Variants in TUSC3 observed in about 807,000 individuals in gnomAD.
TUSC3 encodes the protein tumor suppressor candidate 3.
A neutral mutation model predicts 44.8 loss-of-function variants in TUSC3; 45 were observed. That is an observed-to-expected ratio of 1.00 (90% CI 0.79 to 1.29). TUSC3 has a LOEUF of 1.29. Ranked by LOEUF, TUSC3 falls within the 50% of genes most tolerant of loss-of-function variation. The pLI is 0.00. For missense variants in TUSC3, 519 were observed against 437.9 expected (o/e 1.19, Z -1.65); for synonymous variants, 212 against 152.9 (o/e 1.39, Z -2.85).
intron 1 of TUSC3, among the ~76,000 whole-genome samples, chr8:15,556,280 G>C (rs1585097525): frequency 1.4e-5 from 2 of 141,992 alleles, no homozygotes; most frequent in Admixed American, 1.4e-4. Context: ...TCTTGAGATA[G>C]TTTACTGAGA....
At chr8:15,780,546 C>T in the TUSC3 span, among the ~76,000 whole-genome samples, 1 of 152,204 alleles carries the variant, frequency 6.6e-6, no homozygotes, top group Non-Finnish European at 1.5e-5. Context: ...CCCAGTTGTT[C>T]TGGAAGGCAC....
At chr8:15,598,951 A>G (rs1804173812) in intron 1 of TUSC3, among the ~76,000 whole-genome samples, 1 of 151,786 alleles carries the variant, frequency 6.6e-6, no homozygotes, top group Non-Finnish European at 1.5e-5. Flanking sequence ...CCTTTTGAGT[A>G]GATCCCAAGG....
intron 1 of TUSC3, among the ~76,000 whole-genome samples, chr8:15,431,501 A>G (rs1321901978): frequency 1.3e-5 from 2 of 151,702 alleles, no homozygotes; most frequent in East Asian, 1.9e-4. Context: ...ATAGAAACAC[A>G]TCTGATTTTC....
At chr8:15,566,340 C>T (rs566254254) in intron 1 of TUSC3, among the ~76,000 whole-genome samples, 19 of 152,146 alleles carry the variant, frequency 1.2e-4, no homozygotes, top group Admixed American at 8.5e-4. Context: ...AGCTCAGAAA[C>T]GGATTTTAGT....
chr8:15,690,941 C>T (rs111858669), intron 6 of TUSC3, among the ~76,000 whole-genome samples: 16 of 140,656 alleles, frequency 1.1e-4, no homozygotes, highest in African/African-American at 3.8e-4. Context: ...TGCCAAATGC[C>T]TCCAGCTTTG....
chr8:15,523,656 ATATATATATGTGTG>A lies in TUSC3; in HGVS notation n.189+40175_189+40188del, dbSNP rs1801329064. Among the ~76,000 whole-genome samples, 270 of 93,486 alleles carry A rather than the reference ATATATATATGTGTG, an allele frequency of 2.9e-3. 11 individuals carry two copies. Among genetic ancestry groups the A allele is most frequent in the African/African-American group, 0.013 (244 of 19,286 alleles). The allele number at this position is 93,486 out of a possible 152,430, so 61.3% of individuals were successfully genotyped here. The stretch of plus-strand genomic sequence containing the variant: ...TTTAAAAACATATATATATATATAT[ATATATATATGTGTG>A]TGTGTGTGTGTGTGTGTGTGTGTGT... On this transcript the variant is annotated intron_variant and non_coding_transcript_variant, in intron 2 of 5. Coordinates refer to the TUSC3 transcript ENST00000503191.
intron 2 of TUSC3, among the ~76,000 whole-genome samples, chr8:15,522,383 C>G (rs527369669): frequency 2.6e-5 from 4 of 152,208 alleles, no homozygotes; most frequent in African/African-American, 9.6e-5. Flanking sequence ...CAGGCCTGCG[C>G]CAGCACACAT....
At chr8:15,800,777 C>A in the TUSC3 span, among the ~76,000 whole-genome samples, 1 of 152,070 alleles carries the variant, frequency 6.6e-6, no homozygotes, top group African/African-American at 2.4e-5. Context: ...TATAGTAACA[C>A]CCTTTTTCAA....
chr8:15,781,046 A>G, the TUSC3 span, among the ~76,000 whole-genome samples: 1 of 152,144 alleles, frequency 6.6e-6, no homozygotes, highest in African/African-American at 2.4e-5. Context: ...TTAAAGGGAC[A>G]GACAAACAGA....
chr8:15,679,272 T>C (rs1281784999), intron 6 of TUSC3, among the ~76,000 whole-genome samples: 1 of 152,302 alleles, frequency 6.6e-6, no homozygotes, highest in Non-Finnish European at 1.5e-5. Context: ...GCATCTTTTT[T>C]TTTTGACTTT....
the TUSC3 span, among the ~76,000 whole-genome samples, chr8:15,773,732 T>C: frequency 6.6e-6 from 1 of 152,106 alleles, no homozygotes; most frequent in African/African-American, 2.4e-5. Context: ...TAGGCACTAG[T>C]GTAAGGATAA....
intron 1 of TUSC3, among the ~76,000 whole-genome samples, chr8:15,549,265 C>A (rs1801972593): frequency 6.6e-6 from 1 of 151,732 alleles, no homozygotes; most frequent in South Asian, 2.1e-4. Flanking sequence ...CCCCTGCCTC[C>A]CGGATTCAAG....
At chr8:15,769,637 C>A (rs931151652), downstream of TUSC3, among the ~76,000 whole-genome samples, 1 of 152,120 alleles carries the variant, frequency 6.6e-6, no homozygotes, top group African/African-American at 2.4e-5. Flanking sequence ...TTAGAGCAAA[C>A]AGACAACCTA....
At chr8:15,821,758 G>T in the TUSC3 span, among the ~76,000 whole-genome samples, 1 of 149,416 alleles carries the variant, frequency 6.7e-6, no homozygotes, top group Non-Finnish European at 1.5e-5. Context: ...CCACAGATAT[G>T]GGTAATTTCC....
At chr8:15,807,239 G>T in the TUSC3 span, 1 of 652,378 alleles carries the variant, frequency 1.5e-6, no homozygotes, top group Non-Finnish European at 2.8e-6. Context: ...CCCACCCCCA[G>T]GCATTATGCT....
At chr8:15,828,984 A>T in the TUSC3 span, among the ~76,000 whole-genome samples, 1 of 152,204 alleles carries the variant, frequency 6.6e-6, no homozygotes, top group East Asian at 1.9e-4. Context: ...GAATTGGAAA[A>T]AGTATCCAAT....
At chr8:15,457,247 C>G (rs765926234) in intron 1 of TUSC3, among the ~76,000 whole-genome samples, 3 of 151,852 alleles carry the variant, frequency 2.0e-5, no homozygotes, top group Non-Finnish European at 2.9e-5. Context: ...AGCACACCAA[C>G]ATGGCACGTG....
upstream of TUSC3, among the ~76,000 whole-genome samples, chr8:15,539,345 C>CTTTTTT (rs35685582): frequency 0.024 from 1,666 of 69,426 alleles, 232 homozygotes; most frequent in Middle Eastern, 0.061. Context: ...TGCTATGGTT[C>CTTTTTT]TTTTTTTTTT....
intron 1 of TUSC3, among the ~76,000 whole-genome samples, chr8:15,460,309 G>A (rs1003379888): frequency 1.3e-5 from 2 of 151,928 alleles, no homozygotes; most frequent in African/African-American, 2.4e-5. Flanking sequence ...CATTTTTTTC[G>A]TATATTTGTT....
Sources: allele counts gnomAD v4.1 joint callset (sites outside exome capture counted in the v4.1 genomes callset), GRCh38; gene constraint gnomAD v4.1.1; transcripts MANE v1.5; gene names NCBI Gene and HGNC (gene_info 2026-07-23, HGNC 2026-07-21).